The following PRICKLE2 variants were observed in gnomAD, a reference collection of about 807,000 sequenced individuals.
PRICKLE2 encodes the protein prickle-like protein 2.
In PRICKLE2, 21 loss-of-function variants were observed where a neutral mutation model predicts 81.4. The ratio of observed to expected loss-of-function variants is 0.26; its 90% CI spans 0.18 to 0.37. The LOEUF (loss-of-function observed/expected upper bound fraction) is 0.37. PRICKLE2 is among the 10% of genes least tolerant of loss of function. The pLI is 1.00. For missense variants in PRICKLE2, 940 were observed against 1,109.0 expected (o/e 0.85, Z 2.16); for synonymous variants, 456 against 421.5 (o/e 1.08, Z -1.00).
At chr3:64,247,246 A>T (rs1461167769) in intron 2 of PRICKLE2, among the ~76,000 whole-genome samples, 1 of 152,156 alleles carries the variant, frequency 6.6e-6, no homozygotes, top group Non-Finnish European at 1.5e-5. Flanking sequence ...TTTGAACAGA[A>T]GACTCCTAAA....
At chr3:64,192,258 T>A (rs1193171191) in intron 2 of PRICKLE2, among the ~76,000 whole-genome samples, 2 of 152,218 alleles carry the variant, frequency 1.3e-5, no homozygotes, top group Non-Finnish European at 2.9e-5. Context: ...TGCTGGGTGC[T>A]GGCCATGTGT....
intron 2 of PRICKLE2, among the ~76,000 whole-genome samples, chr3:64,262,556 C>T (rs138474947): frequency 2.6e-5 from 4 of 151,024 alleles, no homozygotes; most frequent in African/African-American, 7.3e-5. Flanking sequence ...GGCTGGATGG[C>T]GTCAACAAGG....
intron 2 of PRICKLE2, among the ~76,000 whole-genome samples, chr3:64,247,388 T>C (rs170291): frequency 0.89 from 135,276 of 152,192 alleles, 60,492 homozygotes; most frequent in African/African-American, 0.94. Context: ...CTACAGATTA[T>C]CCTTAAGTAT....
At chr3:64,235,719 T>C (rs1219268917) in intron 2 of PRICKLE2, among the ~76,000 whole-genome samples, 2 of 152,192 alleles carry the variant, frequency 1.3e-5, no homozygotes, top group Admixed American at 1.3e-4. Context: ...TGTTCTATTG[T>C]TTTGACAATT....
chr3:64,147,704 TA>T lies in PRICKLE2; in HGVS notation c.788-3del, dbSNP rs760323142. 1.8e-5 allele frequency: 29 copies of T among 1,612,394 alleles called. No homozygotes were observed. The South Asian group carries it at 3.0e-4, about 16-fold the overall frequency. ...AGGTCATTTGACCTTGGTCGATACC[TA>T]AAAAAATGAGAGACATTGGAGAGGC... On this transcript the variant is annotated splice_region_variant and splice_polypyrimidine_tract_variant and intron_variant, in intron 6 of 7. Transcript: ENST00000638394. The surrounding 1 kb of genome is among the most constrained non-coding windows in gnomAD (Gnocchi z 5.0).
chr3:64,100,231 C>G (rs756040520), intron 7 of PRICKLE2: 2 of 394,880 alleles, frequency 5.1e-6, no homozygotes, highest in Non-Finnish European at 9.2e-6. Context: ...ATGATGCTTC[C>G]TCTATTTGGA....
At chr3:64,226,244 T>C (rs946445891), upstream of PRICKLE2, among the ~76,000 whole-genome samples, 1 of 152,194 alleles carries the variant, frequency 6.6e-6, no homozygotes, top group Non-Finnish European at 1.5e-5. Context: ...AGAATCCACA[T>C]TTCCTAGACC....
chr3:64,263,452 C>G (rs1351915002), intron 2 of PRICKLE2, among the ~76,000 whole-genome samples: 2 of 152,180 alleles, frequency 1.3e-5, no homozygotes, highest in Non-Finnish European at 2.9e-5. Context: ...AAGGGAGAAT[C>G]AGGCAAGAAG....
intron 7 of PRICKLE2, among the ~76,000 whole-genome samples, chr3:64,109,167 G>A (rs557628530): frequency 7.0e-4 from 107 of 152,154 alleles, no homozygotes; most frequent in Middle Eastern, 6.8e-3. Flanking sequence ...GGGGGTTGCC[G>A]CTCCTTCTTT....
intron 1 of PRICKLE2, among the ~76,000 whole-genome samples, chr3:64,201,583 T>A (rs543309288): frequency 3.9e-5 from 6 of 152,292 alleles, no homozygotes; most frequent in Non-Finnish European, 5.9e-5. Context: ...TTTTTTTTCA[T>A]TGGGTTGTGT....
intron 2 of PRICKLE2, among the ~76,000 whole-genome samples, chr3:64,232,705 C>T (rs1363556459): frequency 6.6e-6 from 1 of 152,148 alleles, no homozygotes; most frequent in Non-Finnish European, 1.5e-5. Flanking sequence ...CAAGGCGAGA[C>T]CTTTTCCATG....
chr3:64,096,203 T>C lies in PRICKLE2; in HGVS notation c.*2848A>G, dbSNP rs2076570338. 6.6e-6 allele frequency: 1 copy of C among 152,184 alleles called. No individual in the cohort carries two copies. Among genetic ancestry groups the C allele is most frequent in the Non-Finnish European group, 1.5e-5 (1 of 68,048 alleles). The allele number at this position is 152,184 out of a possible 1,614,324, so 9.4% of individuals were successfully genotyped here. A position where few individuals can be genotyped will look rare whatever the true frequency, so the allele number is the denominator to read the frequency against. On this transcript the variant is annotated 3_prime_UTR_variant, in exon 8 of 8. Coordinates refer to ENST00000638394, the MANE Select transcript of PRICKLE2 (RefSeq NM_198859.4). Reference sequence around the variant, plus strand: ...CAGGGCATTGGAGAAGAGAGAACGCTGGAAAAAGATTACTATTCTGGAAAT... The same window carrying C: ...CAGGGCATTGGAGAAGAGAGAACGCCGGAAAAAGATTACTATTCTGGAAAT...
intron 2 of PRICKLE2, among the ~76,000 whole-genome samples, chr3:64,171,061 C>T (rs1244929556): frequency 6.6e-6 from 1 of 152,166 alleles, no homozygotes; most frequent in African/African-American, 2.4e-5. Context: ...GTCTTGTGCT[C>T]ACAATGACCT....
At chr3:64,109,590 G>A (rs1389802255) in intron 7 of PRICKLE2, among the ~76,000 whole-genome samples, 1 of 152,148 alleles carries the variant, frequency 6.6e-6, no homozygotes, top group Admixed American at 6.5e-5. Context: ...CCTGGGGCAG[G>A]GGTGGGGGAG....
chr3:64,173,749 G>A (rs912505882), intron 2 of PRICKLE2, among the ~76,000 whole-genome samples: 2 of 152,114 alleles, frequency 1.3e-5, no homozygotes, highest in African/African-American at 4.8e-5. Context: ...GTCTTCAACG[G>A]TCCCAGCAAA....
chr3:64,193,404 C>T (rs1157051942), intron 2 of PRICKLE2, among the ~76,000 whole-genome samples: 1 of 152,110 alleles, frequency 6.6e-6, no homozygotes, highest in Non-Finnish European at 1.5e-5. Flanking sequence ...TTCCAAATGC[C>T]CTCTAGAGGC....
chr3:64,219,256 C>A (rs1454682369), intron 1 of PRICKLE2, among the ~76,000 whole-genome samples: 1 of 152,180 alleles, frequency 6.6e-6, no homozygotes, highest in East Asian at 1.9e-4. Context: ...GGCTGGAAGA[C>A]AACATATAGA....
chr3:64,160,497 C>A (rs1247468256), intron 3 of PRICKLE2, among the ~76,000 whole-genome samples: 1 of 152,174 alleles, frequency 6.6e-6, no homozygotes, highest in Non-Finnish European at 1.5e-5. Context: ...TCCTTGACAC[C>A]AAGAATGACT....
intron 2 of PRICKLE2, among the ~76,000 whole-genome samples, chr3:64,253,455 CA>C (rs1323998490): frequency 6.6e-6 from 1 of 152,192 alleles, no homozygotes; most frequent in Non-Finnish European, 1.5e-5. Context: ...CATGAACCCT[CA>C]AGAAGTTCAC....
Sources: gnomAD v4.1 joint callset for allele counts (sites outside exome capture counted in the v4.1 genomes callset) on GRCh38, gnomAD v4.1.1 for gene constraint, Gnocchi (gnomAD v3.1) non-coding constraint, MANE v1.5 for transcripts, NCBI Gene and HGNC (gene_info 2026-07-23, HGNC 2026-07-21) for gene names.